The following CEP76 variants were observed in gnomAD, a reference collection of about 807,000 sequenced individuals.
The protein encoded by CEP76 is centrosomal protein 76, also known as centrosomal protein of 76 kDa.
A neutral mutation model predicts 83.3 loss-of-function variants in CEP76; 55 were observed. That is an observed-to-expected ratio of 0.66 (90% CI 0.53 to 0.83). The LOEUF (loss-of-function observed/expected upper bound fraction) is 0.83. CEP76 is among the 40% of genes least tolerant of loss of function. CEP76 has a pLI of 0.00. For synonymous variants in CEP76, 270 were observed against 274.5 expected, an observed-to-expected ratio of 0.98 and a Z score of 0.16; for missense variants, 694 against 799.5, an observed-to-expected ratio of 0.87 and a Z score of 1.59.
intron 1 of CEP76, among the ~76,000 whole-genome samples, chr18:12,701,530 C>T (rs898174536): frequency 9.2e-5 from 14 of 152,126 alleles, no homozygotes; most frequent in African/African-American, 3.1e-4. Flanking sequence ...TCTGTTTCGT[C>T]ACCGATAAGA....
intron 6 of CEP76, among the ~76,000 whole-genome samples, chr18:12,694,637 A>G (rs1006732597): frequency 6.6e-6 from 1 of 152,332 alleles, no homozygotes; most frequent in East Asian, 1.9e-4. Flanking sequence ...CGCCTGCGAA[A>G]GAACGTTAAA....
At chr18:12,663,039 T>C (rs990895198) in intron 12 of CEP76, among the ~76,000 whole-genome samples, 1 of 152,222 alleles carries the variant, frequency 6.6e-6, no homozygotes, top group Non-Finnish European at 1.5e-5. Context: ...CTCATAAATA[T>C]GAATTTTAGG....
At chr18:12,688,211 A>C (rs2039616300) in intron 7 of CEP76, among the ~76,000 whole-genome samples, 1 of 139,724 alleles carries the variant, frequency 7.2e-6, no homozygotes. Flanking sequence ...AGCCTGGGCG[A>C]GAGCGAGACT....
chr18:12,695,851 T>TCC (rs398041169), intron 5 of CEP76, among the ~76,000 whole-genome samples: 1 of 110,578 alleles, frequency 9.0e-6, no homozygotes, highest in Non-Finnish European at 1.8e-5. Context: ...TCATTCCTTC[T>TCC]CCACACACAC....
chr18:12,697,166 A>G, intron 5 of CEP76, 57 bp downstream of exon 5: 1 of 1,198,654 alleles, frequency 8.3e-7, no homozygotes, highest in Non-Finnish European at 1.2e-6. Flanking sequence ...TATAAAATAT[A>G]TTTACAAATG....
chr18:12,702,525 G>A lies in CEP76; in HGVS notation c.24C>T (p.Ala8=), dbSNP rs1226404905. 4.4e-5 allele frequency: 70 copies of A among 1,609,020 alleles called. No homozygotes were observed. Among genetic ancestry groups the A allele is most frequent in the Middle Eastern group, 1.7e-4 (1 of 5,944 alleles). The change falls in exon 1 of 12, where the codon GCC becomes GCT. Residue 8 remains alanine, a synonymous_variant. Coordinates refer to ENST00000262127, the MANE Select transcript of CEP76 (RefSeq NM_024899.4). The stretch of plus-strand genomic sequence containing the variant: ...GGTGGATGAGCTGCTTCAGCTCGGA[G>A]GCTTTCTCCGGAGGCAGCGACATGC... MSLPPEK[A]SELKQLIHQQ... is the part of the protein sequence containing the mutation.
rs2039768325 is a variant in CEP76, at chr18:12,691,672, A to G, written c.805-185T>C. On this transcript the variant is annotated intron_variant, in intron 6 of 11. Transcript: ENST00000262127. ...CCCTAGTACAATCCCATCTCCATAC[A>G]ATAATCATAAGTCACCTTTTTTTCC... Among the ~76,000 whole-genome samples, 3 of 151,720 alleles carry G rather than the reference A, an allele frequency of 2.0e-5. No individual in the cohort carries two copies. In the South Asian group the frequency reaches 6.2e-4, roughly 32 times the overall value.
rs866706058 is a variant in CEP76, at chr18:12,664,570, A to G, written c.*1728-2401T>C. ...GTCTCAAAAAAAACAAAATTTGTAGAGAAGGGGTCTCGGTCTGCTGCCCAA... is the reference window on the plus strand; with the variant it reads ...GTCTCAAAAAAAACAAAATTTGTAGGGAAGGGGTCTCGGTCTGCTGCCCAA... On this transcript the variant is annotated intron_variant and NMD_transcript_variant, in intron 12 of 12. Transcript: ENST00000590143. 9.1e-4 allele frequency among the ~76,000 whole-genome samples: 139 copies of G among 152,092 alleles called. 1 individual carries two copies. Among genetic ancestry groups the G allele is most frequent in the African/African-American group, 3.2e-3 (132 of 41,530 alleles).
chr18:12,699,095 G>A lies in CEP76; in HGVS notation c.404C>T (p.Thr135Met), dbSNP rs781605558. 1.9e-5 allele frequency: 30 copies of A among 1,613,872 alleles called. No individual in the cohort carries two copies. The Admixed American group carries it at 3.2e-4, about 17-fold the overall frequency. The change falls in exon 4 of 12, where the codon ACG becomes ATG. Residue 135 changes from threonine (T) to methionine (M), a missense_variant. Thr to Met is a moderately conservative substitution (Grantham distance 81). Transcript: ENST00000262127. ...PEPLPGQVCS[T>M]FTLCLHYRNQ... ...TCGATAATGTAAACATAAAGTAAAC[G>A]TTGAACAAACTTGTCCAGGTAAAGG...
Position 12,672,671 on chromosome 18 carries a change from A to G in CEP76, c.*694T>C, listed in dbSNP as rs1300083851. Reference sequence around the variant, plus strand: ...ACAATTTATCAGTATCATAACAAAGAGGTATAATAAAGTTTTTCTAAAATA... The same window carrying G: ...ACAATTTATCAGTATCATAACAAAGGGGTATAATAAAGTTTTTCTAAAATA... On this transcript the variant is annotated 3_prime_UTR_variant, in exon 12 of 12. Transcript: ENST00000262127. 1.0e-6 allele frequency: 1 copy of G among 979,474 alleles called. No individual in the cohort carries two copies. The highest frequency in any genetic ancestry group is 1.1e-4 in the East Asian group (1 of 8,868). 60.7% of individuals were successfully genotyped at this position (979,474 alleles called of 1,614,324 possible). A position where few individuals can be genotyped will look rare whatever the true frequency, so the allele number is the denominator to read the frequency against.
At chr18:12,697,694 A>G (rs2040004823) in intron 4 of CEP76, among the ~76,000 whole-genome samples, 1 of 151,448 alleles carries the variant, frequency 6.6e-6, no homozygotes, top group Admixed American at 6.6e-5. Context: ...GTACTTAACT[A>G]AAGTATATGC....
In CEP76 at chr18:12,674,543, A is replaced by G. The variant is rs765693566; in HGVS notation, c.1834T>C (p.Cys612Arg). ...CCGTAAATTACACCTTACCGAAGAC[A>G]TGTGGCAAATGCACGTCTTGCATTT... ...YRNARRAFATCLRSPFCEEII... is the reference protein window; with the variant it reads ...YRNARRAFATRLRSPFCEEII... Residue 612 changes from cysteine to arginine, a missense_variant, in exon 11 of 12, where the codon TGT becomes CGT. Transcript: ENST00000262127. 8 of 1,611,672 alleles carry G rather than the reference A, an allele frequency of 5.0e-6. No individual in the cohort carries two copies. Among genetic ancestry groups the G allele is most frequent in the South Asian group, 2.2e-5 (2 of 91,002 alleles).
At chr18:12,691,580 A>G in intron 6 of CEP76, 93 bp from the exon 7 acceptor site, 1 of 891,458 alleles carries the variant, frequency 1.1e-6, no homozygotes, top group Non-Finnish European at 1.7e-6. Context: ...CTACATCATT[A>G]CCACCCTAAT....
chr18:12,693,580 C>G (rs988459443), intron 6 of CEP76, among the ~76,000 whole-genome samples: 1 of 152,038 alleles, frequency 6.6e-6, no homozygotes, highest in Non-Finnish European at 1.5e-5. Context: ...GTCAAGAGAT[C>G]GAGACCATCC....
rs76275554 is a variant in CEP76 at position 12,682,172 on chromosome 18, T to C, written c.1123-1344A>G. ...CGAATGAAGAAATTTCTTTTTTTTTTCCTCTCTTTTGAGATAGGGTCTAGT... is the reference window on the plus strand; with the variant it reads ...CGAATGAAGAAATTTCTTTTTTTTTCCCTCTCTTTTGAGATAGGGTCTAGT... On this transcript the variant is annotated intron_variant, in intron 8 of 11. Transcript: ENST00000262127. 1.3e-3 allele frequency among the ~76,000 whole-genome samples: 203 copies of C among 152,048 alleles called. 1 individual carries two copies. The highest frequency in any genetic ancestry group is 4.5e-3 in the African/African-American group (188 of 41,496).
Position 12,702,479 on chromosome 18 carries a change from C to G in CEP76, c.63+7G>C. The G allele has an allele frequency of 6.2e-7, 1 of 1,605,062 alleles. No individual in the cohort carries two copies. The highest frequency in any genetic ancestry group is 8.5e-7 in the Non-Finnish European group (1 of 1,174,866). ...CGGCGGTCTCTCCCAGCACCCGCGA[C>G]TCTCACCTTGCTCAGCTGCTGGTGG... On this transcript the variant is annotated splice_region_variant and intron_variant, in intron 1 of 11. Transcript: ENST00000262127.
At chr18:12,686,480 G>A (rs751041826) in intron 7 of CEP76, 30 bp from the exon 8 acceptor site, 2 of 1,478,906 alleles carry the variant, frequency 1.4e-6, no homozygotes, top group East Asian at 2.3e-5. Context: ...CATCTGTAAT[G>A]ACATATTAAT....
chr18:12,687,690 T>G (rs950653742), intron 7 of CEP76, among the ~76,000 whole-genome samples: 2 of 151,760 alleles, frequency 1.3e-5, no homozygotes, highest in Non-Finnish European at 2.9e-5. Context: ...TGACCTCAAG[T>G]GATCCGCCCA....
At chr18:12,679,103 C>CT (rs1049832156) in intron 9 of CEP76, 1 of 151,894 alleles carries the variant, frequency 6.6e-6, no homozygotes, top group African/African-American at 2.4e-5. Flanking sequence ...GGCTGGGCCT[C>CT]TAGAACACAC....
Sources: allele counts gnomAD v4.1 joint callset (sites outside exome capture counted in the v4.1 genomes callset), GRCh38; gene constraint gnomAD v4.1.1; transcripts MANE v1.5; gene names NCBI Gene and HGNC (gene_info 2026-07-23, HGNC 2026-07-21).